SLC24A2: variants seen among roughly 807,000 people sequenced by gnomAD.
SLC24A2 encodes sodium/potassium/calcium exchanger 2.
Under a neutral mutation model 62.0 loss-of-function variants are expected in SLC24A2, and 36 were observed. That is an observed-to-expected ratio of 0.58 (90% CI 0.44 to 0.77). The LOEUF (loss-of-function observed/expected upper bound fraction) is 0.77. Ranked by LOEUF, SLC24A2 falls within the 30% of genes least tolerant of loss-of-function variation. SLC24A2 has a pLI of 0.00. For missense variants in SLC24A2, 846 were observed against 817.9 expected (o/e 1.03, Z -0.42); for synonymous variants, 358 against 294.0 (o/e 1.22, Z -2.23).
At chr9:20,272,563 T>C in the SLC24A2 span, among the ~76,000 whole-genome samples, 22 of 152,354 alleles carry the variant, frequency 1.4e-4, no homozygotes, top group South Asian at 1.4e-3. Flanking sequence ...CATCGTCTCC[T>C]CTAAAGCAAG....
At chr9:20,056,107 A>G in the SLC24A2 span, among the ~76,000 whole-genome samples, 2 of 152,194 alleles carry the variant, frequency 1.3e-5, no homozygotes, top group African/African-American at 4.8e-5. Context: ...TGGTAATAGT[A>G]CCTATCACAT....
At chr9:20,039,549 A>G in the SLC24A2 span, among the ~76,000 whole-genome samples, 3 of 151,950 alleles carry the variant, frequency 2.0e-5, no homozygotes, top group Non-Finnish European at 4.4e-5. Context: ...GACAAGCAGG[A>G]GGGCAGGAGG....
the SLC24A2 span, among the ~76,000 whole-genome samples, chr9:20,114,451 C>CA: frequency 3.4e-4 from 52 of 152,136 alleles, no homozygotes; most frequent in South Asian, 4.1e-3. Flanking sequence ...TGTGAAAGGA[C>CA]AAACTGTTTC....
At chr9:20,258,820 T>C in the SLC24A2 span, among the ~76,000 whole-genome samples, 13 of 101,710 alleles carry the variant, frequency 1.3e-4, no homozygotes, top group African/African-American at 4.3e-4. Flanking sequence ...ATCTACCTTA[T>C]CTATCTATCT....
At position 19,586,723 on chromosome 9, in the gene SLC24A2, C is replaced by T. The variant is rs76406441; in HGVS notation, c.1130-9701G>A. On this transcript the variant is annotated intron_variant, in intron 5 of 10. Transcript: ENST00000341998. ...AAAGGGCCAACTTACTGATCGTGGC[C>T]GTTTCTGACAGTGCTTGAGAGCTGA... 5.4e-3 allele frequency among the ~76,000 whole-genome samples: 816 copies of T among 152,164 alleles called. 10 individuals are homozygous for T. Among genetic ancestry groups the T allele is most frequent in the African/African-American group, 0.019 (772 of 41,526 alleles).
the SLC24A2 span, among the ~76,000 whole-genome samples, chr9:20,057,915 G>C: frequency 6.6e-6 from 1 of 152,142 alleles, no homozygotes; most frequent in Non-Finnish European, 1.5e-5. Flanking sequence ...TCTGACTGCA[G>C]TTCAGTAGGC....
the SLC24A2 span, among the ~76,000 whole-genome samples, chr9:20,214,518 G>C: frequency 6.6e-6 from 1 of 152,018 alleles, no homozygotes; most frequent in Non-Finnish European, 1.5e-5. Flanking sequence ...GGGAGGCTGA[G>C]GCAGGAGAAT....
the SLC24A2 span, among the ~76,000 whole-genome samples, chr9:20,141,274 T>G: frequency 8.1e-3 from 1,229 of 152,200 alleles, 22 homozygotes; most frequent in African/African-American, 0.028. Context: ...CTTCCATGTC[T>G]CAGCAGCTTC....
Position 19,650,514 on chromosome 9 carries a change from G to A in SLC24A2, c.931-28215C>T, listed in dbSNP as rs147223912. On this transcript the variant is annotated intron_variant, in intron 2 of 10. Transcript: ENST00000341998. ...TGAACCAGCCCTGATAATCTCCCACGCCCATCAGCCTCCCATCCCAGAGAA... is the reference window on the plus strand; with the variant it reads ...TGAACCAGCCCTGATAATCTCCCACACCCATCAGCCTCCCATCCCAGAGAA... Among the ~76,000 whole-genome samples, 121 of 152,250 alleles carry A rather than the reference G, an allele frequency of 7.9e-4. 2 individuals carry two copies. Among genetic ancestry groups the A allele is most frequent in the Middle Eastern group, 3.4e-3 (1 of 294 alleles).
intron 2 of SLC24A2, among the ~76,000 whole-genome samples, chr9:19,731,402 T>C (rs954429830): frequency 6.6e-6 from 1 of 152,164 alleles, no homozygotes; most frequent in Non-Finnish European, 1.5e-5. Flanking sequence ...TTGAAGATAG[T>C]ATAAAGAAGT....
At chr9:19,938,345 C>T in the SLC24A2 span, among the ~76,000 whole-genome samples, 1 of 152,092 alleles carries the variant, frequency 6.6e-6, no homozygotes, top group African/African-American at 2.4e-5. Context: ...TCTGAGAAAA[C>T]TGAAAGATAT....
At chr9:19,847,263 C>T in the SLC24A2 span, among the ~76,000 whole-genome samples, 2 of 151,972 alleles carry the variant, frequency 1.3e-5, no homozygotes, top group South Asian at 2.1e-4. Flanking sequence ...TAATATTGCC[C>T]ATTATTTAAA....
rs897928557 is a variant in SLC24A2, at chr9:19,510,935, A to G, written c.*5218T>C. On this transcript the variant is annotated 3_prime_UTR_variant, in exon 11 of 11. Coordinates refer to ENST00000341998, the MANE Select transcript of SLC24A2 (RefSeq NM_020344.4). ...TTTCTTAAGAAATCTGTCCCTAGCCATATTAAGGGCCTCTGTGGAGTTTGG... is the reference window on the plus strand; with the variant it reads ...TTTCTTAAGAAATCTGTCCCTAGCCGTATTAAGGGCCTCTGTGGAGTTTGG... 3 of 152,128 alleles carry G rather than the reference A, an allele frequency of 2.0e-5. No homozygotes were observed. The highest frequency in any genetic ancestry group is 7.2e-5 in the African/African-American group (3 of 41,390). The allele number at this position is 152,128 out of a possible 1,614,324, so 9.4% of individuals were successfully genotyped here. A position where few individuals can be genotyped will look rare whatever the true frequency, so the allele number is the denominator to read the frequency against.
rs548923626 is a variant in SLC24A2, at chr9:19,734,316, G to A, written c.930+51621C>T. Reference sequence around the variant, plus strand: ...TTGTAGTATAGTTTGAAGTCAGGTAGCGTGATGCCTCCAGCTTTGTTCTTT... The same window carrying A: ...TTGTAGTATAGTTTGAAGTCAGGTAACGTGATGCCTCCAGCTTTGTTCTTT... On this transcript the variant is annotated intron_variant, in intron 2 of 10. Coordinates refer to ENST00000341998, the MANE Select transcript of SLC24A2 (RefSeq NM_020344.4). Among the ~76,000 whole-genome samples the A allele has an allele frequency of 3.4e-3, 525 of 152,288 alleles. 1 individual carries two copies. The highest frequency in any genetic ancestry group is 5.2e-3 in the Admixed American group (80 of 15,292).
the SLC24A2 span, among the ~76,000 whole-genome samples, chr9:20,053,649 A>C: frequency 1.3e-5 from 2 of 152,100 alleles, no homozygotes; most frequent in Non-Finnish European, 2.9e-5. Context: ...GACCTTATAA[A>C]ACAGACCCCA....
chr9:19,614,247 C>A (rs1817707398), intron 4 of SLC24A2, among the ~76,000 whole-genome samples: 1 of 152,172 alleles, frequency 6.6e-6, no homozygotes. Context: ...AATTCTAGTT[C>A]CCCAAGGTTT....
intron 3 of SLC24A2, among the ~76,000 whole-genome samples, chr9:19,619,974 T>A (rs1173042486): frequency 2.0e-5 from 3 of 152,198 alleles, no homozygotes; most frequent in Non-Finnish European, 4.4e-5. Flanking sequence ...ATTTGCAAAA[T>A]GAACCCTATG....
the SLC24A2 span, among the ~76,000 whole-genome samples, chr9:20,095,329 T>C: frequency 8.5e-5 from 13 of 152,362 alleles, no homozygotes; most frequent in African/African-American, 2.9e-4. Flanking sequence ...ATTTTATCCG[T>C]CAACTTGATT....
rs1176079137 is a variant in SLC24A2 at position 19,511,613 on chromosome 9, G to GA, written c.*4539dup. On this transcript the variant is annotated 3_prime_UTR_variant, in exon 11 of 11. Transcript: ENST00000341998. ...TAATAATTGAAGACAGTATTGTTGA[G>GA]ACAGGTATAGGGGTTGAGGAGGTAT... is the stretch of plus-strand genomic sequence containing the variant. 4 of 152,134 alleles carry GA rather than the reference G, an allele frequency of 2.6e-5. No individual in the cohort carries two copies. The highest frequency in any genetic ancestry group is 5.9e-5 in the Non-Finnish European group (4 of 68,030). 9.4% of individuals were successfully genotyped at this position (152,134 alleles called of 1,614,324 possible). A position where few individuals can be genotyped will look rare whatever the true frequency, so the allele number is the denominator to read the frequency against.
Sources: gnomAD v4.1 joint callset for allele counts (sites outside exome capture counted in the v4.1 genomes callset) on GRCh38, gnomAD v4.1.1 for gene constraint, MANE v1.5 for transcripts, NCBI Gene and HGNC (gene_info 2026-07-23, HGNC 2026-07-21) for gene names.